Variants in FBLN1 observed in about 807,000 individuals in gnomAD.
FBLN1 encodes fibulin-1.
In FBLN1, 34 loss-of-function variants were observed where a neutral mutation model predicts 89.7. The ratio of observed to expected loss-of-function variants is 0.38; its 90% confidence interval spans 0.29 to 0.50. The LOEUF is 0.50. Among genes scored for constraint, FBLN1 ranks in the 20% least tolerant of loss-of-function variants. The probability of loss-of-function intolerance (pLI) is 0.92; values close to 1 mark genes in which losing one functional copy is unlikely to be tolerated. For missense variants in FBLN1, 777 were observed against 988.1 expected (o/e 0.79, Z 2.86); for synonymous variants, 393 against 391.3 (o/e 1.00, Z -0.05).
chr22:45,539,034 T>C (rs2088518912), intron 8 of FBLN1, among the ~76,000 whole-genome samples: 1 of 151,112 alleles, frequency 6.6e-6, no homozygotes, highest in Non-Finnish European at 1.5e-5. Context: ...TTCTTCAAAT[T>C]CCCTCCTCCT....
At chr22:45,519,618 CT>C in intron 2 of FBLN1, among the ~76,000 whole-genome samples, 1 of 114,512 alleles carries the variant, frequency 8.7e-6, no homozygotes, top group Admixed American at 9.7e-5. Context: ...CAGCGAAACT[CT>C]AACTCAAAAA....
At chr22:45,507,246 C>T (rs1475008710) in intron 1 of FBLN1, among the ~76,000 whole-genome samples, 1 of 152,178 alleles carries the variant, frequency 6.6e-6, no homozygotes, top group Non-Finnish European at 1.5e-5. Flanking sequence ...GAGCGAGGCA[C>T]CAGTCGCCAT....
chr22:45,518,869 G>A (rs2088208334), intron 2 of FBLN1, 82 bp downstream of exon 2: 2 of 1,256,056 alleles, frequency 1.6e-6, no homozygotes, highest in African/African-American at 1.5e-5. Context: ...GTGTGTGCCA[G>A]ACCTCTCGGG....
At chr22:45,555,018 C>A (rs1320671852) in intron 14 of FBLN1, among the ~76,000 whole-genome samples, 1 of 151,332 alleles carries the variant, frequency 6.6e-6, no homozygotes, top group African/African-American at 2.5e-5. Context: ...TAGGACCCGT[C>A]CCCGTCTCCA....
chr22:45,550,730 C>G lies in FBLN1; in HGVS notation c.1697+115C>G, dbSNP rs2088691595. The G allele has an allele frequency of 4.8e-6, 7 of 1,444,208 alleles. No individual in the cohort carries two copies. Among genetic ancestry groups the G allele is most frequent in the Admixed American group, 1.7e-5 (1 of 59,528 alleles). 89.5% of individuals were successfully genotyped at this position (1,444,208 alleles called of 1,614,324 possible). ...CCTCGGTGTCCTCCCATGAGGGACT[C>G]AGGGCACTCAAAGATCACCTGATCC... On this transcript the variant is annotated intron_variant, in intron 14 of 16. Coordinates refer to ENST00000327858, the MANE Select transcript of FBLN1 (RefSeq NM_006486.3). The surrounding 1 kb of genome is among the most constrained non-coding windows in gnomAD (Gnocchi z 8.4).
Position 45,575,438 on chromosome 22 carries a change from T to C in FBLN1, c.1840+785T>C, listed in dbSNP as rs924752449. The stretch of plus-strand genomic sequence containing the variant: ...GGTTTTCTGCTGGAGCGCTAGAGGC[T>C]TGGCAAGAGGTGGGCTGGAAGGATA... On this transcript the variant is annotated intron_variant, in intron 15 of 16. Transcript: ENST00000327858. The surrounding 1 kb of genome is among the most constrained non-coding windows in gnomAD (Gnocchi z 6.3). Among the ~76,000 whole-genome samples the C allele has an allele frequency of 2.6e-5, 4 of 152,028 alleles. No individual in the cohort carries two copies. The highest frequency in any genetic ancestry group is 6.6e-5 in the Admixed American group (1 of 15,258).
chr22:45,522,652 C>T (rs1460190257), intron 2 of FBLN1, among the ~76,000 whole-genome samples: 1 of 152,212 alleles, frequency 6.6e-6, no homozygotes, highest in Non-Finnish European at 1.5e-5. Flanking sequence ...GATGTTTTCC[C>T]ATCATGAATC....
rs886417678 is a variant in FBLN1 at position 45,572,557 on chromosome 22, C to T, written c.1698-1954C>T. Among the ~76,000 whole-genome samples the T allele has an allele frequency of 6.6e-6, 1 of 151,738 alleles. No homozygotes were observed. The highest frequency in any genetic ancestry group is 6.5e-5 in the Admixed American group (1 of 15,272). ...TTTCCTGGTAATTAAATCACAAGAG[C>T]ACATGAAGGGAAGCATCTGTTTACA... On this transcript the variant is annotated intron_variant, in intron 14 of 16. Transcript: ENST00000327858. This position sits in a 1 kb window ranked among gnomAD's most constrained non-coding sequence, Gnocchi z 5.8.
intron 7 of FBLN1, among the ~76,000 whole-genome samples, chr22:45,534,614 C>G (rs751176280): frequency 6.6e-6 from 1 of 152,296 alleles, no homozygotes; most frequent in Non-Finnish European, 1.5e-5. Flanking sequence ...TGGCACACCC[C>G]TTCTGACATC....
intron 4 of FBLN1, among the ~76,000 whole-genome samples, chr22:45,528,702 T>C (rs1214755946): frequency 6.6e-6 from 1 of 151,992 alleles, no homozygotes; most frequent in African/African-American, 2.4e-5. Context: ...TTTGACTAAA[T>C]ATTTGAGTAC....
rs2089059553 is a variant in FBLN1 at position 45,583,537 on chromosome 22, T to C, written c.1972+6429T>C. On this transcript the variant is annotated intron_variant, in intron 16 of 16. Transcript: ENST00000327858. The surrounding 1 kb of genome is among the most constrained non-coding windows in gnomAD (Gnocchi z 4.5). The stretch of plus-strand genomic sequence containing the variant: ...CAGTGGGTGCACAGGATGTAAATAC[T>C]GATGGAAACCTAAATGTTCTGTAAA... Among the ~76,000 whole-genome samples, 1 of 152,238 alleles carries C rather than the reference T, an allele frequency of 6.6e-6. No homozygotes were observed. Among genetic ancestry groups the C allele is most frequent in the Non-Finnish European group, 1.5e-5 (1 of 68,042 alleles).
At chr22:45,523,055 T>G in intron 2 of FBLN1, 1 of 703,720 alleles carries the variant, frequency 1.4e-6, no homozygotes, top group Non-Finnish European at 2.7e-6. Flanking sequence ...CAGGGAGGCA[T>G]AGGGGCTTCT....
chr22:45,517,241 G>T (rs992191199), intron 1 of FBLN1: 14 of 264,872 alleles, frequency 5.3e-5, no homozygotes. Flanking sequence ...GGAAGGAAAA[G>T]TGGTGCTTCT....
At chr22:45,548,058 G>A (rs770473358) in intron 12 of FBLN1, among the ~76,000 whole-genome samples, 24 of 152,264 alleles carry the variant, frequency 1.6e-4, no homozygotes, top group Admixed American at 4.6e-4. Flanking sequence ...TTGTTTGCTT[G>A]TTTGTTTTTG....
At chr22:45,525,737 C>T (rs2088318448) in intron 3 of FBLN1, 59 bp downstream of exon 3, 3 of 1,548,646 alleles carry the variant, frequency 1.9e-6, no homozygotes, top group Admixed American at 2.0e-5. Context: ...CAGACCCAGG[C>T]CCTCCCAGCC....
chr22:45,589,161 C>T (rs1300197384), intron 16 of FBLN1, among the ~76,000 whole-genome samples: 2 of 150,490 alleles, frequency 1.3e-5, no homozygotes, highest in Admixed American at 6.6e-5. Context: ...TTATATATAA[C>T]TTGCTCCTCA....
chr22:45,522,930 A>C (rs1284039887), intron 2 of FBLN1, among the ~76,000 whole-genome samples: 1 of 152,180 alleles, frequency 6.6e-6, no homozygotes, highest in African/African-American at 2.4e-5. Context: ...GGTGAACGAA[A>C]TATGCAAGTC....
chr22:45,506,514 C>A (rs762547281), intron 1 of FBLN1, among the ~76,000 whole-genome samples: 2 of 152,214 alleles, frequency 1.3e-5, no homozygotes, highest in Non-Finnish European at 2.9e-5. Context: ...CTGAGCCCTA[C>A]TGGCAGAGTC....
intron 1 of FBLN1, among the ~76,000 whole-genome samples, chr22:45,508,540 C>T (rs1235256218): frequency 3.3e-5 from 5 of 152,144 alleles, no homozygotes; most frequent in South Asian, 2.1e-4. Flanking sequence ...GAATTACAGG[C>T]GTGAGCCACC....
Sources: allele counts gnomAD v4.1 joint callset (sites outside exome capture counted in the v4.1 genomes callset), GRCh38; gene constraint gnomAD v4.1.1; non-coding constraint Gnocchi (gnomAD v3.1); transcripts MANE v1.5; gene names NCBI Gene and HGNC (gene_info 2026-07-23, HGNC 2026-07-21).